RPS6KA2: variants seen among roughly 807,000 people sequenced by gnomAD.
RPS6KA2 encodes ribosomal protein S6 kinase A2, also known as ribosomal protein S6 kinase alpha-2.
In RPS6KA2, 42 loss-of-function variants were observed where a neutral mutation model predicts 91.8. The ratio of observed to expected loss-of-function variants is 0.46; its 90% CI spans 0.36 to 0.59. The LOEUF (loss-of-function observed/expected upper bound fraction) is 0.59. Among genes scored for constraint, RPS6KA2 ranks in the 20% least tolerant of loss-of-function variants. The pLI is 0.00. For synonymous variants in RPS6KA2, 414 were observed against 393.6 expected, an observed-to-expected ratio of 1.05 and a Z score of -0.61; for missense variants, 798 against 978.5, an observed-to-expected ratio of 0.82 and a Z score of 2.46.
At position 166,849,387 on chromosome 6, in the gene RPS6KA2, G is replaced by T. The variant is rs1780680449; in HGVS notation, c.123+8813C>A. The stretch of plus-strand genomic sequence containing the variant: ...GAGCTAGTTGTTTATTTGCGAGGAT[G>T]CTAAAATATAAGATTCGTGCTGTCT... On this transcript the variant is annotated intron_variant, in intron 2 of 21. Coordinates refer to the RPS6KA2 transcript ENST00000503859. This position sits in a 1 kb window ranked among gnomAD's most constrained non-coding sequence, Gnocchi z 4.9. Among the ~76,000 whole-genome samples, 1 of 152,178 alleles carries T rather than the reference G, an allele frequency of 6.6e-6. No individual in the cohort carries two copies. Among genetic ancestry groups the T allele is most frequent in the Non-Finnish European group, 1.5e-5 (1 of 68,026 alleles).
At chr6:166,771,555 G>A (rs1288179603) in intron 2 of RPS6KA2, among the ~76,000 whole-genome samples, 1 of 152,142 alleles carries the variant, frequency 6.6e-6, no homozygotes. Context: ...CCCTTACTGC[G>A]GCACGTTCAG....
Position 166,788,678 on chromosome 6 carries a change from G to A in RPS6KA2, c.123+69522C>T, listed in dbSNP as rs1008161141. 2.0e-5 allele frequency among the ~76,000 whole-genome samples: 3 copies of A among 152,216 alleles called. 1 individual carries two copies. In the East Asian group the frequency reaches 5.8e-4, roughly 29 times the overall value. Reference sequence around the variant, plus strand: ...AGGGAGGGGAACATCACACACCGGGGCCTGTCCGGGGTGAGGGGCAAGGGG... The same window carrying A: ...AGGGAGGGGAACATCACACACCGGGACCTGTCCGGGGTGAGGGGCAAGGGG... On this transcript the variant is annotated intron_variant, in intron 2 of 21. Transcript: ENST00000503859.
At chr6:166,847,566 A>T (rs1000145560) in intron 2 of RPS6KA2, among the ~76,000 whole-genome samples, 1 of 152,230 alleles carries the variant, frequency 6.6e-6, no homozygotes, top group Admixed American at 6.5e-5. Context: ...ATAGGCACAT[A>T]GACAAATGGA....
intron 3 of RPS6KA2, among the ~76,000 whole-genome samples, chr6:166,520,513 AG>A (rs545882654): frequency 1.3e-3 from 194 of 152,316 alleles, no homozygotes; most frequent in Non-Finnish European, 2.2e-3. Context: ...TCTCCCTCTA[AG>A]AAATGTATAT....
intron 2 of RPS6KA2, among the ~76,000 whole-genome samples, chr6:166,838,531 C>T (rs566879399): frequency 2.0e-4 from 31 of 152,272 alleles, no homozygotes; most frequent in Non-Finnish European, 2.8e-4. Flanking sequence ...ATCTAGTCCA[C>T]GTTCAAAGTC....
chr6:166,638,773 G>A (rs543846012), intron 2 of RPS6KA2, among the ~76,000 whole-genome samples: 2 of 152,270 alleles, frequency 1.3e-5, no homozygotes, highest in African/African-American at 4.8e-5. Flanking sequence ...TGGGGCTACC[G>A]GCATCTCGTG....
At chr6:166,786,775 A>G (rs549373152) in intron 2 of RPS6KA2, among the ~76,000 whole-genome samples, 1 of 152,362 alleles carries the variant, frequency 6.6e-6, no homozygotes, top group South Asian at 2.1e-4. Context: ...TGTGTAATTT[A>G]GTGCTCAAAA....
In RPS6KA2 at chr6:166,626,247, G is replaced by A. The variant is rs959835886; in HGVS notation, c.99+674C>T. On this transcript the variant is annotated intron_variant, in intron 1 of 20. Coordinates refer to ENST00000265678, the MANE Select transcript of RPS6KA2 (RefSeq NM_021135.6). The surrounding 1 kb of genome is among the most constrained non-coding windows in gnomAD (Gnocchi z 4.1). The stretch of plus-strand genomic sequence containing the variant: ...ACCGTCCACAAGGAAACTCTAAGAT[G>A]CCAAGATGCGGGACAGGTAGAAAGG... Among the ~76,000 whole-genome samples the A allele has an allele frequency of 6.6e-6, 1 of 152,256 alleles. No individual in the cohort carries two copies. The highest frequency in any genetic ancestry group is 2.4e-5 in the African/African-American group (1 of 41,464).
Position 166,419,745 on chromosome 6 carries a change from T to G in RPS6KA2, c.1820+137A>C, listed in dbSNP as rs1778657969. 3.0e-6 allele frequency: 2 copies of G among 676,490 alleles called. No individual in the cohort carries two copies. Among genetic ancestry groups the G allele is most frequent in the Non-Finnish European group, 5.3e-6 (2 of 375,782 alleles). 41.9% of individuals were successfully genotyped at this position (676,490 alleles called of 1,614,324 possible). The stretch of plus-strand genomic sequence containing the variant: ...AGTCTGCGAGTGTTCACTCAAGGCC[T>G]GGGAGTGTTTGCATACACGTTGGGT... On this transcript the variant is annotated intron_variant, in intron 18 of 20. Coordinates refer to ENST00000265678, the MANE Select transcript of RPS6KA2 (RefSeq NM_021135.6). The surrounding 1 kb of genome is among the most constrained non-coding windows in gnomAD (Gnocchi z 5.6).
chr6:166,602,080 GAACT>G (rs1785754687), intron 1 of RPS6KA2, among the ~76,000 whole-genome samples: 1 of 152,236 alleles, frequency 6.6e-6, no homozygotes, highest in Non-Finnish European at 1.5e-5. Flanking sequence ...AACGCAAAGA[GAACT>G]ATCAATGCCC....
intron 2 of RPS6KA2, among the ~76,000 whole-genome samples, chr6:166,829,832 G>A (rs1380846551): frequency 1.3e-5 from 2 of 152,128 alleles, no homozygotes; most frequent in Non-Finnish European, 2.9e-5. Flanking sequence ...GAATTTGTCT[G>A]GGTGCAGTGG....
intron 2 of RPS6KA2, among the ~76,000 whole-genome samples, chr6:166,828,927 T>C (rs1780111879): frequency 6.6e-6 from 1 of 152,134 alleles, no homozygotes; most frequent in African/African-American, 2.4e-5. Context: ...AAATCATATA[T>C]CAGATAAGGG....
chr6:166,507,871 A>T (rs916652968), intron 5 of RPS6KA2, among the ~76,000 whole-genome samples: 2 of 146,440 alleles, frequency 1.4e-5, no homozygotes, highest in African/African-American at 5.1e-5. Flanking sequence ...ACAACCCCAA[A>T]CACCACGCAC....
chr6:166,676,539 A>G (rs1015572170), intron 2 of RPS6KA2, among the ~76,000 whole-genome samples: 1 of 152,178 alleles, frequency 6.6e-6, no homozygotes, highest in Admixed American at 6.5e-5. Flanking sequence ...GAAGTCAGCC[A>G]TGATCAGATC....
At chr6:166,804,387 T>C (rs1779440462) in intron 2 of RPS6KA2, among the ~76,000 whole-genome samples, 1 of 152,200 alleles carries the variant, frequency 6.6e-6, no homozygotes, top group African/African-American at 2.4e-5. Context: ...CAATCAAAGA[T>C]ATTAAATACT....
intron 12 of RPS6KA2, among the ~76,000 whole-genome samples, chr6:166,454,066 G>A (rs576866592): frequency 9.2e-5 from 14 of 152,306 alleles, no homozygotes; most frequent in Admixed American, 2.6e-4. Context: ...AAGGGTGGGA[G>A]AAGGTGAGGG....
chr6:166,721,374 G>C (rs111362643), intron 2 of RPS6KA2, among the ~76,000 whole-genome samples: 1 of 152,220 alleles, frequency 6.6e-6, no homozygotes, highest in Non-Finnish European at 1.5e-5. Flanking sequence ...GGACCCGGGA[G>C]CACAGGCCTA....
At chr6:166,763,968 A>G (rs1346324655) in intron 2 of RPS6KA2, among the ~76,000 whole-genome samples, 1 of 152,196 alleles carries the variant, frequency 6.6e-6, no homozygotes, top group Non-Finnish European at 1.5e-5. Flanking sequence ...CAGACACAAC[A>G]CTGTCCATGA....
At chr6:166,477,901 C>A (rs972991858) in intron 10 of RPS6KA2, among the ~76,000 whole-genome samples, 1 of 152,154 alleles carries the variant, frequency 6.6e-6, no homozygotes, top group Non-Finnish European at 1.5e-5. Flanking sequence ...CAGAGCAAGA[C>A]CCTGTTTAAA....
Sources: allele counts gnomAD v4.1 joint callset (sites outside exome capture counted in the v4.1 genomes callset), GRCh38; gene constraint gnomAD v4.1.1; non-coding constraint Gnocchi (gnomAD v3.1); transcripts MANE v1.5; gene names NCBI Gene and HGNC (gene_info 2026-07-23, HGNC 2026-07-21).